The following GCN1 variants were observed in gnomAD, a reference collection of about 807,000 sequenced individuals.
GCN1 encodes the protein GCN1 activator of EIF2AK4, also known as stalled ribosome sensor GCN1.
In GCN1, 90 loss-of-function variants were observed where a neutral mutation model predicts 288.4. That is an observed-to-expected ratio of 0.31 (90% CI 0.26 to 0.37). The LOEUF (loss-of-function observed/expected upper bound fraction) is 0.37, where lower values mean the gene tolerates loss of function less well. GCN1 is among the 10% of genes least tolerant of loss of function. The pLI is 1.00. For missense variants in GCN1, 2,586 were observed against 3,419.9 expected (o/e 0.76, Z 6.08); for synonymous variants, 1,386 against 1,420.2 (o/e 0.98, Z 0.54).
At position 120,158,139 on chromosome 12, in the gene GCN1, G is replaced by A. The variant is rs1301733263; in HGVS notation, c.2906-109C>T. On this transcript the variant is annotated intron_variant, in intron 25 of 57. Transcript: ENST00000300648. The surrounding 1 kb of genome is among the most constrained non-coding windows in gnomAD (Gnocchi z 4.3). ...TAGGGAACGGATGGACCAGAGGCCC[G>A]TTCTGACACCTGGAAGCACATGGCA... The A allele has an allele frequency of 2.3e-5, 24 of 1,059,668 alleles. No individual in the cohort carries two copies. The highest frequency in any genetic ancestry group is 1.1e-4 in the African/African-American group (7 of 63,322). The allele number at this position is 1,059,668 out of a possible 1,614,324, so 65.6% of individuals were successfully genotyped here.
chr12:120,168,920 T>C (rs549508066), intron 15 of GCN1, among the ~76,000 whole-genome samples: 10 of 152,220 alleles, frequency 6.6e-5, no homozygotes, highest in Admixed American at 6.5e-4. Flanking sequence ...GCACACGATA[T>C]TACATGAGGA....
chr12:120,194,684 G>T lies in GCN1; in HGVS notation c.14C>A (p.Thr5Lys), dbSNP rs1324606491. The change falls in exon 1 of 58, where the codon ACG becomes AAG. Residue 5 changes from threonine to lysine, a missense_variant. By Grantham distance (78) the Thr-to-Lys change is moderately conservative. This residue lies in a region of GCN1 where 913 missense variants were observed against 1,107.0 expected (regional missense o/e 0.82). Transcript: ENST00000300648. ...CCCCGCAGCCGCCCGCCTCACCTGC[G>T]TGTCCGCCGCCATCCTGCCGGGGCT... MAAD[T>K]QVSETLKRFA... 18 of 1,513,246 alleles carry T rather than the reference G, an allele frequency of 1.2e-5. No individual in the cohort carries two copies. The African/African-American group carries it at 2.2e-4, about 18-fold the overall frequency. 93.7% of individuals were successfully genotyped at this position (1,513,246 alleles called of 1,614,324 possible).
chr12:120,161,829 A>G, intron 21 of GCN1, 51 bp downstream of exon 21: 1 of 1,564,782 alleles, frequency 6.4e-7, no homozygotes, highest in South Asian at 1.1e-5. Flanking sequence ...ACACACAAGA[A>G]AACTATGCCT....
rs1876659529 is a variant in GCN1 at position 120,127,651 on chromosome 12, A to G, written c.*198T>C. On this transcript the variant is annotated 3_prime_UTR_variant, in exon 58 of 58. Coordinates refer to ENST00000300648, the MANE Select transcript of GCN1 (RefSeq NM_006836.2). ...GTGTGCTTTTCCTTCTCTTCTCCAC[A>G]GGAAAAGGTGAGAGATGGAGGAGGC... is the stretch of plus-strand genomic sequence containing the variant. 3.2e-6 allele frequency: 2 copies of G among 626,256 alleles called. No individual in the cohort carries two copies. Among genetic ancestry groups the G allele is most frequent in the South Asian group, 1.9e-5 (1 of 52,488 alleles). 38.8% of individuals were successfully genotyped at this position (626,256 alleles called of 1,614,324 possible).
At chr12:120,143,047 C>A in intron 42 of GCN1, 106 bp from the exon 43 acceptor site, 1 of 659,554 alleles carries the variant, frequency 1.5e-6, no homozygotes, top group South Asian at 2.0e-5. Flanking sequence ...ATACTCATGA[C>A]GGTCATCTTG....
chr12:120,174,162 C>G lies in GCN1; in HGVS notation c.1101G>C (p.Gly367=). ...CAGACACCACGTGATGACTGACGCT[C>G]CCAATCCCTAAAAGGCAGATTCCCT... ...AQKMSVLSGI[G]SVSHHVVSGP... Residue 367 remains glycine (G), a synonymous_variant, in exon 13 of 58, where the codon GGG becomes GGC. Transcript: ENST00000300648. The G allele has an allele frequency of 6.3e-7, 1 of 1,582,782 alleles. No homozygotes were observed. Among genetic ancestry groups the G allele is most frequent in the Non-Finnish European group, 8.7e-7 (1 of 1,151,426 alleles).
chr12:120,153,823 T>G lies in GCN1; in HGVS notation c.3788A>C (p.Asp1263Ala), dbSNP rs889048446. ...VKPLFQFFVP[D>A]ALNDRHPDVR... ...ATCTGGGTGTCGGTCATTGAGGGCA[T>G]CAGGGACAAAAAACTGAAAGAGTGG... is the stretch of plus-strand genomic sequence containing the variant. Residue 1263 changes from aspartate (D) to alanine (A), a missense_variant, in exon 32 of 58, where the codon GAT becomes GCT. By Grantham distance (126) the Asp-to-Ala change is moderately radical. Coordinates refer to ENST00000300648, the MANE Select transcript of GCN1 (RefSeq NM_006836.2). The surrounding 1 kb of genome is among the most constrained non-coding windows in gnomAD (Gnocchi z 4.4). 1.1e-5 allele frequency: 17 copies of G among 1,613,974 alleles called. No individual in the cohort carries two copies. Among genetic ancestry groups the G allele is most frequent in the African/African-American group, 2.7e-5 (2 of 74,902 alleles).
At chr12:120,184,757 A>C in intron 3 of GCN1, 67 bp downstream of exon 3, 3 of 1,177,112 alleles carry the variant, frequency 2.5e-6, no homozygotes, top group Non-Finnish European at 3.8e-6. Context: ...TCTGGGCTCT[A>C]ACCACTACTC....
At chr12:120,176,426 C>T (rs945777714) in intron 9 of GCN1, among the ~76,000 whole-genome samples, 6 of 152,210 alleles carry the variant, frequency 3.9e-5, no homozygotes, top group Admixed American at 2.0e-4. Context: ...ATCCCACCAA[C>T]ACATTTTACT....
rs770606277 is a variant in GCN1 at position 120,156,469 on chromosome 12, C to T, written c.3304G>A (p.Val1102Met). The change falls in exon 28 of 58, where the codon GTG becomes ATG. Residue 1102 changes from valine to methionine, a missense_variant. Physicochemically the swap from Val to Met is conservative, Grantham distance 21 (BLOSUM62 1). This residue lies in a region of GCN1 where 332 missense variants were observed against 403.0 expected (regional missense o/e 0.82). Coordinates refer to ENST00000300648, the MANE Select transcript of GCN1 (RefSeq NM_006836.2). The surrounding 1 kb of genome is among the most constrained non-coding windows in gnomAD (Gnocchi z 5.8). Reference sequence around the variant, plus strand: ...TGAGACTGAGCACACACCCGGAGCACGGTTTCCCGCACGCTGGCACACGGG... The same window carrying T: ...TGAGACTGAGCACACACCCGGAGCATGGTTTCCCGCACGCTGGCACACGGG... ...QSPCASVRET[V>M]LRGLMELHMV... 19 of 1,613,656 alleles carry T rather than the reference C, an allele frequency of 1.2e-5. No individual in the cohort carries two copies. Among genetic ancestry groups the T allele is most frequent in the South Asian group, 2.2e-5 (2 of 91,068 alleles).
chr12:120,129,527 A>T, intron 56 of GCN1, 33 bp from the exon 57 acceptor site: 1 of 1,497,738 alleles, frequency 6.7e-7, no homozygotes, highest in South Asian at 1.1e-5. Flanking sequence ...GCTTTTGGAT[A>T]GGCATGTCAT....
chr12:120,158,104 T>C lies in GCN1; in HGVS notation c.2906-74A>G. 6.8e-7 allele frequency: 1 copy of C among 1,460,366 alleles called. No individual in the cohort carries two copies. Among genetic ancestry groups the C allele is most frequent in the Non-Finnish European group, 9.5e-7 (1 of 1,058,012 alleles). The allele number at this position is 1,460,366 out of a possible 1,614,324, so 90.5% of individuals were successfully genotyped here. A position where few individuals can be genotyped will look rare whatever the true frequency, so the allele number is the denominator to read the frequency against. Reference sequence around the variant, plus strand: ...GGGCCACTGCTGCCTATTTCTATCCTCAGGGAAAGTAGGGAACGGATGGAC... The same window carrying C: ...GGGCCACTGCTGCCTATTTCTATCCCCAGGGAAAGTAGGGAACGGATGGAC... On this transcript the variant is annotated intron_variant, in intron 25 of 57. Coordinates refer to ENST00000300648, the MANE Select transcript of GCN1 (RefSeq NM_006836.2). This position sits in a 1 kb window ranked among gnomAD's most constrained non-coding sequence, Gnocchi z 4.3.
chr12:120,155,553 A>G lies in GCN1; in HGVS notation c.3440+39T>C, dbSNP rs1199333253. On this transcript the variant is annotated intron_variant, in intron 29 of 57. Coordinates refer to ENST00000300648, the MANE Select transcript of GCN1 (RefSeq NM_006836.2). The surrounding 1 kb of genome is among the most constrained non-coding windows in gnomAD (Gnocchi z 4.9). ...GTTCAGTTATTTCCTAAAGGAAGAG[A>G]GGATGCAGCAGGAGAAAGCGACATG... 1 of 1,612,534 alleles carries G rather than the reference A, an allele frequency of 6.2e-7. No individual in the cohort carries two copies. The highest frequency in any genetic ancestry group is 1.3e-5 in the African/African-American group (1 of 74,880).
Position 120,138,814 on chromosome 12 carries a change from C to A in GCN1, c.6037G>T (p.Ala2013Ser). Reference protein sequence around the residue: ...SESLVPTARKALCDPLEEVRE... With the variant: ...SESLVPTARKSLCDPLEEVRE... ...ACCTCCTCCAGTGGGTCACACAAAG[C>A]CTTCCTTGCCGTGGGCACGAGGGAT... Residue 2013 changes from alanine to serine, a missense_variant, in exon 46 of 58, where the codon GCT becomes TCT. Physicochemically the swap from Ala to Ser is moderately conservative, Grantham distance 99. Transcript: ENST00000300648. The A allele has an allele frequency of 1.9e-6, 3 of 1,613,984 alleles. No homozygotes were observed. The highest frequency in any genetic ancestry group is 1.7e-6 in the Non-Finnish European group (2 of 1,179,842).
At chr12:120,138,996 C>T (rs1877102749) in intron 45 of GCN1, 140 bp from the exon 46 acceptor site, 2 of 669,796 alleles carry the variant, frequency 3.0e-6, no homozygotes, top group South Asian at 4.1e-5. Flanking sequence ...TAACTTAACT[C>T]TTTACTGTGA....
rs1195049885 is a variant in GCN1 at position 120,136,675 on chromosome 12, G to C, written c.6835C>G (p.Gln2279Glu). 1 of 1,613,910 alleles carries C rather than the reference G, an allele frequency of 6.2e-7. No homozygotes were observed. The highest frequency in any genetic ancestry group is 1.3e-5 in the African/African-American group (1 of 74,922). Reference protein sequence around the residue: ...REGVLTGSPEQKEEAAKALGL... With the variant: ...REGVLTGSPEEKEEAAKALGL... ...AAGGCTTTGGCTGCCTCCTCCTTCT[G>C]CTCAGGGCTGCCAGTCAGGACTCCT... The change falls in exon 51 of 58, where the codon CAG (glutamine) becomes GAG (glutamate). Residue 2279 changes from glutamine (Q) to glutamate (E), a missense_variant. Transcript: ENST00000300648.
chr12:120,158,784 G>A lies in GCN1; in HGVS notation c.2750-169C>T, dbSNP rs1404171599. Among the ~76,000 whole-genome samples the A allele has an allele frequency of 1.2e-4, 18 of 152,088 alleles. No homozygotes were observed. The highest frequency in any genetic ancestry group is 1.0e-3 in the Admixed American group (16 of 15,262). On this transcript the variant is annotated intron_variant, in intron 24 of 57. Coordinates refer to ENST00000300648, the MANE Select transcript of GCN1 (RefSeq NM_006836.2). This position sits in a 1 kb window ranked among gnomAD's most constrained non-coding sequence, Gnocchi z 4.3. ...TCCCAGCACTTTGGGAGGCCGAGGC[G>A]GGCGGATCATGAGGTCAGGAGATTG... is the stretch of plus-strand genomic sequence containing the variant.
intron 9 of GCN1, 51 bp from the exon 10 acceptor site, chr12:120,176,268 C>T (rs1594285006): frequency 8.0e-7 from 1 of 1,255,870 alleles, no homozygotes; most frequent in Non-Finnish European, 1.2e-6. Flanking sequence ...ATAAATTCAA[C>T]AGATAATTTT....
chr12:120,150,932 G>A lies in GCN1; in HGVS notation c.4309+213C>T, dbSNP rs1470793437. Among the ~76,000 whole-genome samples, 4 of 150,688 alleles carry A rather than the reference G, an allele frequency of 2.7e-5. No individual in the cohort carries two copies. In the South Asian group the frequency reaches 8.3e-4, roughly 31 times the overall value. ...AGCCTGGGCGACAGAGCGAGACTCC[G>A]TCTCAAAAAAAAAAAACAGAAAAGA... On this transcript the variant is annotated intron_variant, in intron 34 of 57. Coordinates refer to ENST00000300648, the MANE Select transcript of GCN1 (RefSeq NM_006836.2).
Sources: allele counts gnomAD v4.1 joint callset (sites outside exome capture counted in the v4.1 genomes callset), GRCh38; gene constraint gnomAD v4.1.1; regional missense constraint gnomAD v4.1.1; non-coding constraint Gnocchi (gnomAD v3.1); transcripts MANE v1.5; gene names NCBI Gene and HGNC (gene_info 2026-07-23, HGNC 2026-07-21).